Variants in HCFC1 observed in about 807,000 individuals in gnomAD.
HCFC1 encodes the protein host cell factor C1.
A neutral mutation model predicts 105.5 loss-of-function variants in HCFC1; 7 were observed. The ratio of observed to expected loss-of-function variants is 0.07; its 90% CI spans 0.04 to 0.12. The LOEUF (loss-of-function observed/expected upper bound fraction) is 0.12, where lower values mean the gene tolerates loss of function less well. HCFC1 is among the 10% of genes least tolerant of loss of function. The pLI is 1.00. For synonymous variants in HCFC1, 918 were observed against 828.1 expected, an observed-to-expected ratio of 1.11 and a Z score of -1.86; for missense variants, 1,065 against 1,823.6, an observed-to-expected ratio of 0.58 and a Z score of 7.58.
intron 4 of HCFC1, among the ~76,000 whole-genome samples, chrX:153,963,008 C>G (rs782300014): frequency 1.9e-4 from 21 of 112,311 alleles, no homozygotes; most frequent in Non-Finnish European, 4.0e-4. Flanking sequence ...ACCAATTCAG[C>G]CCACTCAGCC....
At chrX:153,962,167 G>T in intron 5 of HCFC1, 55 bp downstream of exon 5, 1 of 956,964 alleles carries the variant, frequency 1.0e-6, no homozygotes, top group South Asian at 2.0e-5. Flanking sequence ...AGAGCCCTTC[G>T]GGGGAGGGGC....
chrX:153,959,671 T>C, intron 8 of HCFC1, 131 bp downstream of exon 8: 3 of 987,357 alleles, frequency 3.0e-6, no homozygotes, highest in Non-Finnish European at 4.1e-6. Flanking sequence ...CCTACAACCC[T>C]TGGAGACAAG....
rs1345331185 is a variant in HCFC1, at chrX:153,952,287, G to T, written c.4943-129C>A. On this transcript the variant is annotated intron_variant, in intron 19 of 25. Transcript: ENST00000310441. Reference sequence around the variant, plus strand: ...CCTACCGTGCTCCACTGTAGGCTAAGCCCTGGCCGAGGGGCCCTGCCTGTT... The same window carrying T: ...CCTACCGTGCTCCACTGTAGGCTAATCCCTGGCCGAGGGGCCCTGCCTGTT... 2.9e-6 allele frequency: 3 copies of T among 1,041,855 alleles called. No homozygotes were observed. In the African/African-American group the frequency reaches 5.7e-5, roughly 20 times the overall value. The allele number at this position is 1,041,855 out of a possible 1,213,427, so 85.9% of individuals were successfully genotyped here.
At chrX:153,967,904 G>A (rs983360855) in intron 1 of HCFC1, among the ~76,000 whole-genome samples, 3 of 111,419 alleles carry the variant, frequency 2.7e-5, no homozygotes, top group Non-Finnish European at 5.7e-5. Flanking sequence ...AGGGACAGAG[G>A]AGAGAATGGA....
In HCFC1 at chrX:153,959,937, C is replaced by T. The variant is rs2065413556; in HGVS notation, c.1309G>A (p.Val437Met). 6.6e-6 allele frequency: 8 copies of T among 1,210,623 alleles called. No individual in the cohort carries two copies. Among genetic ancestry groups the T allele is most frequent in the African/African-American group, 3.5e-5 (2 of 57,853 alleles). The change falls in exon 8 of 26, where the codon GTG becomes ATG. Residue 437 changes from valine (V) to methionine (M), a missense_variant. Around this residue, in one of 17 missense-constraint regions of HCFC1, gnomAD observed 101 missense variants for 155.1 expected, o/e 0.65. Coordinates refer to ENST00000310441, the MANE Select transcript of HCFC1 (RefSeq NM_005334.3). Reference sequence around the variant, plus strand: ...ATGCCTACTTGGGTCAGCGGCTGCACAGCAGGTGCGGCTGCTGCTGGGGCA... The same window carrying T: ...ATGCCTACTTGGGTCAGCGGCTGCATAGCAGGTGCGGCTGCTGCTGGGGCA... ...SPAPAAAAPA[V>M]QPLTQVGITL...
In HCFC1 at chrX:153,970,961, G is replaced by C. The variant is rs1322535449; in HGVS notation, c.-121C>G. ...ACGGAGAAGCGGTTTCTCACACAGC[G>C]GTAGACGACTCCATGGAGGCCGCCA... On this transcript the variant is annotated 5_prime_UTR_variant, in exon 1 of 26. Coordinates refer to ENST00000310441, the MANE Select transcript of HCFC1 (RefSeq NM_005334.3). 3.7e-6 allele frequency: 2 copies of C among 542,454 alleles called. No individual in the cohort carries two copies. The highest frequency in any genetic ancestry group is 4.8e-5 in the African/African-American group (2 of 41,675). The allele number at this position is 542,454 out of a possible 1,213,427, so 44.7% of individuals were successfully genotyped here.
chrX:153,952,479 C>A, intron 19 of HCFC1, 35 bp downstream of exon 19: 1 of 1,118,232 alleles, frequency 8.9e-7, no homozygotes. Context: ...CTCCCCCGAG[C>A]GGCCCGGCTT....
chrX:153,968,443 G>C lies in HCFC1; in HGVS notation c.193+2205C>G, dbSNP rs376559327. 1.5e-4 allele frequency among the ~76,000 whole-genome samples: 17 copies of C among 111,987 alleles called. No homozygotes were observed. The East Asian group carries it at 4.8e-3, about 31-fold the overall frequency. On this transcript the variant is annotated intron_variant, in intron 1 of 25. Transcript: ENST00000310441. ...AGACAAGACAAAGGTGACGAGGCCG[G>C]GCTGGCGGGAGGGGGCAGAAACCCC...
intron 1 of HCFC1, among the ~76,000 whole-genome samples, chrX:153,969,562 A>G (rs2065505418): frequency 8.9e-6 from 1 of 112,826 alleles, no homozygotes; most frequent in South Asian, 3.6e-4. Flanking sequence ...GCAACTTGGG[A>G]ACTGACCCTT....
At chrX:153,957,644 T>C (rs782665882) in intron 12 of HCFC1, 111 bp from the exon 13 acceptor site, 24 of 780,268 alleles carry the variant, frequency 3.1e-5, no homozygotes, top group Admixed American at 2.1e-4. Flanking sequence ...CTGGAGGCTG[T>C]GGGCGAGGGG....
chrX:153,962,242 C>T lies in HCFC1; in HGVS notation c.777G>A (p.Ser259=), dbSNP rs782614618. ...CTTACTTATTTCCGATGGTGGTTGC[C>T]GAGTGGAGACTGCGAGGAAGAGGCG... ...GVAPLPRSLH[S]ATTIGNKMYV... Residue 259 remains serine, a synonymous_variant, in exon 5 of 26, where the codon TCG becomes TCA. Coordinates refer to ENST00000310441, the MANE Select transcript of HCFC1 (RefSeq NM_005334.3). 6.6e-6 allele frequency: 8 copies of T among 1,209,264 alleles called. No homozygotes were observed. In the South Asian group the frequency reaches 7.0e-5, roughly 11 times the overall value.
In HCFC1 at chrX:153,954,755, C is replaced by T. The variant is rs1557114059; in HGVS notation, c.3644G>A (p.Ser1215Asn). Residue 1215 changes from serine to asparagine, a missense_variant, in exon 17 of 26, where the codon AGC (serine) becomes AAC (asparagine). Ser to Asn is a conservative substitution (Grantham distance 46). This residue lies in a region of HCFC1 where 546 missense variants were observed against 599.9 expected (regional missense o/e 0.91). Transcript: ENST00000310441. ...SPAFVQLAPLSSKVRLSSPSI... is the reference protein window; with the variant it reads ...SPAFVQLAPLNSKVRLSSPSI... ...TGGGCTGCTCAGCCTGACTTTGCTGCTCAGAGGGGCCAACTGCACAAAAGC... is the reference window on the plus strand; with the variant it reads ...TGGGCTGCTCAGCCTGACTTTGCTGTTCAGAGGGGCCAACTGCACAAAAGC... 8.5e-7 allele frequency: 1 copy of T among 1,173,246 alleles called. No homozygotes were observed. The highest frequency in any genetic ancestry group is 2.5e-5 in the Admixed American group (1 of 39,525).
intron 23 of HCFC1, 30 bp from the exon 24 acceptor site, chrX:153,950,573 G>A: frequency 1.8e-6 from 2 of 1,120,151 alleles, no homozygotes; most frequent in South Asian, 2.1e-5. Context: ...AAGGTCAACA[G>A]AACAGGCTAG....
In HCFC1 at chrX:153,961,549, G is replaced by A; in HGVS notation, c.897C>T (p.Leu299=). 8.3e-7 allele frequency: 1 copy of A among 1,202,171 alleles called. No homozygotes were observed. Among genetic ancestry groups the A allele is most frequent in the Non-Finnish European group, 1.1e-6 (1 of 887,538 alleles). Residue 299 remains leucine (L), a synonymous_variant, in exon 6 of 26, where the codon CTC becomes CTT. Transcript: ENST00000310441. ...AGCCCGAGGAGGCCATACCCAGGTT[G>A]AGACAAGCCAGCGTGTTGGTACACT... ...EWKCTNTLAC[L]NLDTMAWETI...
chrX:153,950,607 T>C (rs2065301329), intron 23 of HCFC1, 64 bp from the exon 24 acceptor site: 1 of 1,033,393 alleles, frequency 9.7e-7, no homozygotes, highest in Non-Finnish European at 1.3e-6. Context: ...TGACTAATCA[T>C]GGTTCCCATA....
Position 153,957,192 on chromosome X carries a change from G to C in HCFC1, c.2353+122C>G, listed in dbSNP as rs782569333. 5 of 971,704 alleles carry C rather than the reference G, an allele frequency of 5.1e-6. No homozygotes were observed. In the African/African-American group the frequency reaches 9.7e-5, roughly 19 times the overall value. The allele number at this position is 971,704 out of a possible 1,213,427, so 80.1% of individuals were successfully genotyped here. A position where few individuals can be genotyped will look rare whatever the true frequency, so the allele number is the denominator to read the frequency against. ...CTCCTCACTACCCTTAGACACAAAA[G>C]GCAGCAAGGAGAAGATAGAAAAGGG... On this transcript the variant is annotated intron_variant, in intron 13 of 25. Transcript: ENST00000310441.
chrX:153,958,497 G>A, intron 10 of HCFC1, 72 bp downstream of exon 10: 3 of 999,340 alleles, frequency 3.0e-6, no homozygotes, highest in Non-Finnish European at 4.1e-6. Flanking sequence ...ACGGTCCAAC[G>A]GCTAACTCTA....
At chrX:153,965,183 C>T (rs1268025376) in intron 1 of HCFC1, among the ~76,000 whole-genome samples, 1 of 111,356 alleles carries the variant, frequency 9.0e-6, no homozygotes, top group African/African-American at 3.3e-5. Flanking sequence ...CCGCTGCAGG[C>T]TACGAAGAGC....
At position 153,951,442 on chromosome X, in the gene HCFC1, CCTT is replaced by C; in HGVS notation, c.5422_5424del (p.Lys1808del). 8.3e-7 allele frequency: 1 copy of C among 1,211,392 alleles called. No individual in the cohort carries two copies. Among genetic ancestry groups the C allele is most frequent in the Non-Finnish European group, 1.1e-6 (1 of 895,151 alleles). ...ACTCCCACATCAAACCACTGGTTTT[CCTT>C]CTTCATGGGGGCTTTGCTGGGTGGG... is the stretch of plus-strand genomic sequence containing the variant. On this transcript the variant is annotated inframe_deletion, in exon 22 of 26. Transcript: ENST00000310441.
Sources: gnomAD v4.1 joint callset for allele counts (sites outside exome capture counted in the v4.1 genomes callset) on GRCh38, gnomAD v4.1.1 for gene constraint, gnomAD v4.1.1 regional missense constraint, MANE v1.5 for transcripts, NCBI Gene and HGNC (gene_info 2026-07-23, HGNC 2026-07-21) for gene names.